Variants in BCAS3 observed in about 807,000 individuals in gnomAD.
The protein encoded by BCAS3 is BCAS3 microtubule associated cell migration factor, also known as BCAS4/BCAS3 fusion.
In BCAS3, 53 loss-of-function variants were observed where a neutral mutation model predicts 116.1. The ratio of observed to expected loss-of-function variants is 0.46; its 90% CI spans 0.37 to 0.57. The LOEUF is 0.57. Ranked by LOEUF, BCAS3 falls within the 20% of genes least tolerant of loss-of-function variation. BCAS3 has a pLI of 0.00. For synonymous variants in BCAS3, 391 were observed against 408.2 expected (o/e 0.96, Z 0.51); for missense variants, 917 against 1,165.4 (o/e 0.79, Z 3.10).
At position 61,213,527 on chromosome 17, in the gene BCAS3, G is replaced by A. The variant is rs904516912; in HGVS notation, c.2425+128963G>A. On this transcript the variant is annotated intron_variant, in intron 22 of 23. Coordinates refer to ENST00000407086, the MANE Select transcript of BCAS3 (RefSeq NM_017679.5). This position sits in a 1 kb window ranked among gnomAD's most constrained non-coding sequence, Gnocchi z 5.4. ...TGAAAAGAGTCTTATTATTTGTTTAGTTGACAGGAAATTTAAAGAAAAAGT... is the reference window on the plus strand; with the variant it reads ...TGAAAAGAGTCTTATTATTTGTTTAATTGACAGGAAATTTAAAGAAAAAGT... Among the ~76,000 whole-genome samples, 2 of 152,090 alleles carry A rather than the reference G, an allele frequency of 1.3e-5. No individual in the cohort carries two copies. Among genetic ancestry groups the A allele is most frequent in the African/African-American group, 4.8e-5 (2 of 41,400 alleles).
rs1239510577 is a variant in BCAS3, at chr17:61,309,178, A to T, written c.2426-59149A>T. Among the ~76,000 whole-genome samples the T allele has an allele frequency of 6.6e-6, 1 of 152,210 alleles. No individual in the cohort carries two copies. Among genetic ancestry groups the T allele is most frequent in the Non-Finnish European group, 1.5e-5 (1 of 68,040 alleles). On this transcript the variant is annotated intron_variant, in intron 22 of 23. Transcript: ENST00000407086. This position sits in a 1 kb window ranked among gnomAD's most constrained non-coding sequence, Gnocchi z 4.6. Reference sequence around the variant, plus strand: ...GCCTTGGGTTTAGTGACAGGGAAAAAAGAACGTTAGCTCATGTGAGGATAC... The same window carrying T: ...GCCTTGGGTTTAGTGACAGGGAAAATAGAACGTTAGCTCATGTGAGGATAC...
intron 5 of BCAS3, among the ~76,000 whole-genome samples, chr17:60,742,875 A>T (rs2144236759): frequency 6.6e-6 from 1 of 152,014 alleles, no homozygotes; most frequent in Non-Finnish European, 1.5e-5. Flanking sequence ...GCACTTTGGG[A>T]GGCCGAGGTG....
intron 12 of BCAS3, among the ~76,000 whole-genome samples, chr17:60,911,596 C>G (rs957860871): frequency 6.6e-6 from 1 of 152,216 alleles, no homozygotes; most frequent in East Asian, 1.9e-4. Flanking sequence ...CCGCGCCCAG[C>G]CTTAATTTTT....
rs909359464 is a variant in BCAS3 at position 61,106,700 on chromosome 17, C to T, written c.2425+22136C>T. Reference sequence around the variant, plus strand: ...ATAAATTATATTTTGAAACTTGCTTCATTTATTGTTAGCAGATTTCCTTCA... The same window carrying T: ...ATAAATTATATTTTGAAACTTGCTTTATTTATTGTTAGCAGATTTCCTTCA... On this transcript the variant is annotated intron_variant, in intron 22 of 23. Coordinates refer to ENST00000407086, the MANE Select transcript of BCAS3 (RefSeq NM_017679.5). The surrounding 1 kb of genome is among the most constrained non-coding windows in gnomAD (Gnocchi z 4.2). 1.1e-4 allele frequency among the ~76,000 whole-genome samples: 17 copies of T among 152,174 alleles called. No individual in the cohort carries two copies. The highest frequency in any genetic ancestry group is 1.5e-5 in the Non-Finnish European group (1 of 68,014).
intron 22 of BCAS3, among the ~76,000 whole-genome samples, chr17:61,292,105 A>C (rs1439853216): frequency 6.6e-6 from 1 of 152,062 alleles, no homozygotes; most frequent in Non-Finnish European, 1.5e-5. Context: ...ATCCTAGAAG[A>C]CTTGCCACAT....
rs146376389 is a variant in BCAS3 at position 61,261,206 on chromosome 17, C to A, written c.2426-107121C>A. Among the ~76,000 whole-genome samples the A allele has an allele frequency of 6.6e-6, 1 of 152,140 alleles. No homozygotes were observed. Among genetic ancestry groups the A allele is most frequent in the Non-Finnish European group, 1.5e-5 (1 of 68,016 alleles). ...ATTAGGGAAGTACCTCCCTGGGGAGCGGGTGGACAGGGAAAGAAGGTTTGA... is the reference window on the plus strand; with the variant it reads ...ATTAGGGAAGTACCTCCCTGGGGAGAGGGTGGACAGGGAAAGAAGGTTTGA... On this transcript the variant is annotated intron_variant, in intron 22 of 23. Transcript: ENST00000407086. The surrounding 1 kb of genome is among the most constrained non-coding windows in gnomAD (Gnocchi z 4.4).
chr17:61,392,786 A>G lies in BCAS3; in HGVS notation c.*661A>G, dbSNP rs1313592926. ...AACCGTGGTTACTGAGGCCCTGTTGAAAAGTGCACGTCTTGTCCAATAAAT... is the reference window on the plus strand; with the variant it reads ...AACCGTGGTTACTGAGGCCCTGTTGGAAAGTGCACGTCTTGTCCAATAAAT... On this transcript the variant is annotated 3_prime_UTR_variant, in exon 24 of 24. Coordinates refer to ENST00000407086, the MANE Select transcript of BCAS3 (RefSeq NM_017679.5). The surrounding 1 kb of genome is among the most constrained non-coding windows in gnomAD (Gnocchi z 6.4). 1.3e-5 allele frequency: 2 copies of G among 152,400 alleles called. No individual in the cohort carries two copies. The highest frequency in any genetic ancestry group is 1.5e-5 in the Non-Finnish European group (1 of 68,202). The allele number at this position is 152,400 out of a possible 1,614,324, so 9.4% of individuals were successfully genotyped here.
rs2077514327 is a variant in BCAS3 at position 61,151,073 on chromosome 17, A to G, written c.2425+66509A>G. On this transcript the variant is annotated intron_variant, in intron 22 of 23. Coordinates refer to ENST00000407086, the MANE Select transcript of BCAS3 (RefSeq NM_017679.5). The surrounding 1 kb of genome is among the most constrained non-coding windows in gnomAD (Gnocchi z 4.8). ...CACTTCCAACTTCTCATTTAAAGCT[A>G]CAATGACCACAACTACTGCAATGAC... is the stretch of plus-strand genomic sequence containing the variant. Among the ~76,000 whole-genome samples, 1 of 152,220 alleles carries G rather than the reference A, an allele frequency of 6.6e-6. No individual in the cohort carries two copies. The highest frequency in any genetic ancestry group is 6.5e-5 in the Admixed American group (1 of 15,282).
intron 22 of BCAS3, among the ~76,000 whole-genome samples, chr17:61,357,604 C>T (rs1329526047): frequency 6.7e-6 from 1 of 149,354 alleles, no homozygotes; most frequent in Admixed American, 6.6e-5. Context: ...CCACCACACC[C>T]GGCTAATGTT....
chr17:60,814,306 T>TGTGTGCGCGCGTGCGC (rs368289350), intron 7 of BCAS3, among the ~76,000 whole-genome samples: 14 of 148,302 alleles, frequency 9.4e-5, no homozygotes, highest in African/African-American at 3.5e-4. Flanking sequence ...TGTGTGTGTG[T>TGTGTGCGCGCGTGCGC]GCGCGCGTGC....
chr17:61,004,991 GA>G lies in BCAS3; in HGVS notation c.1487-10754del, dbSNP rs929937441. ...ATATTTGATAAAACCATAGATGAGG[GA>G]AAAAATACCATGACAGTACTCATAA... On this transcript the variant is annotated intron_variant, in intron 15 of 23. Coordinates refer to ENST00000407086, the MANE Select transcript of BCAS3 (RefSeq NM_017679.5). The surrounding 1 kb of genome is among the most constrained non-coding windows in gnomAD (Gnocchi z 4.8). Among the ~76,000 whole-genome samples, 3 of 152,008 alleles carry G rather than the reference GA, an allele frequency of 2.0e-5. No homozygotes were observed. Among genetic ancestry groups the G allele is most frequent in the African/African-American group, 7.2e-5 (3 of 41,390 alleles).
chr17:61,176,778 C>T (rs1387548883), intron 22 of BCAS3, among the ~76,000 whole-genome samples: 1 of 152,212 alleles, frequency 6.6e-6, no homozygotes, highest in African/African-American at 2.4e-5. Flanking sequence ...CCAGGCAGGT[C>T]TTGAACTCCT....
intron 6 of BCAS3, among the ~76,000 whole-genome samples, chr17:60,803,525 G>T (rs934208321): frequency 6.6e-6 from 1 of 152,076 alleles, no homozygotes; most frequent in Non-Finnish European, 1.5e-5. Context: ...TATTTTTAAA[G>T]TACATTTAAT....
intron 7 of BCAS3, among the ~76,000 whole-genome samples, chr17:60,840,493 C>T (rs1343799110): frequency 6.6e-6 from 1 of 152,110 alleles, no homozygotes; most frequent in Non-Finnish European, 1.5e-5. Context: ...ATTGTTGATC[C>T]TATGATATAA....
intron 7 of BCAS3, among the ~76,000 whole-genome samples, chr17:60,813,683 G>T (rs929282589): frequency 1.3e-5 from 2 of 152,072 alleles, no homozygotes; most frequent in African/African-American, 2.4e-5. Flanking sequence ...CCCAATTGTC[G>T]ATTTTGTTTT....
At position 61,213,832 on chromosome 17, in the gene BCAS3, C is replaced by A. The variant is rs1217405294; in HGVS notation, c.2425+129268C>A. On this transcript the variant is annotated intron_variant, in intron 22 of 23. Transcript: ENST00000407086. This position sits in a 1 kb window ranked among gnomAD's most constrained non-coding sequence, Gnocchi z 5.4. ...TCCCAACATGTGATTATAAGGGTAG[C>A]AGGCAGGAAAGAATTTAATGAAATC... Among the ~76,000 whole-genome samples, 1 of 152,114 alleles carries A rather than the reference C, an allele frequency of 6.6e-6. No homozygotes were observed. Among genetic ancestry groups the A allele is most frequent in the East Asian group, 1.9e-4 (1 of 5,202 alleles).
chr17:61,069,180 A>G (rs1040917155), intron 19 of BCAS3, among the ~76,000 whole-genome samples: 1 of 152,210 alleles, frequency 6.6e-6, no homozygotes, highest in African/African-American at 2.4e-5. Flanking sequence ...ATGCAAGACC[A>G]ACAAGAATCC....
At chr17:60,971,813 T>C (rs2061979222) in intron 14 of BCAS3, among the ~76,000 whole-genome samples, 1 of 152,214 alleles carries the variant, frequency 6.6e-6, no homozygotes, top group Admixed American at 6.5e-5. Context: ...ACCTTGTTCA[T>C]TTTCAAATTT....
chr17:61,345,863 G>A (rs896046016), intron 22 of BCAS3, among the ~76,000 whole-genome samples: 1 of 152,156 alleles, frequency 6.6e-6, no homozygotes, highest in Non-Finnish European at 1.5e-5. Context: ...ATTAGAATAA[G>A]GAAGTGAGTG....
Sources: gnomAD v4.1 joint callset for allele counts (sites outside exome capture counted in the v4.1 genomes callset) on GRCh38, gnomAD v4.1.1 for gene constraint, Gnocchi (gnomAD v3.1) non-coding constraint, MANE v1.5 for transcripts, NCBI Gene and HGNC (gene_info 2026-07-23, HGNC 2026-07-21) for gene names.